BUB3: variants seen among roughly 807,000 people sequenced by gnomAD.
BUB3 encodes BUB3 mitotic checkpoint protein, also known as mitotic checkpoint protein BUB3.
Under a neutral mutation model 39.9 loss-of-function variants are expected in BUB3, and 22 were observed. The ratio of observed to expected loss-of-function variants is 0.55; its 90% confidence interval spans 0.39 to 0.79. The LOEUF (loss-of-function observed/expected upper bound fraction) is 0.79. Ranked by LOEUF, BUB3 falls within the 30% of genes least tolerant of loss-of-function variation. The probability of loss-of-function intolerance (pLI) is 0.00; values close to 1 mark genes in which losing one functional copy is unlikely to be tolerated. For missense variants in BUB3, 303 were observed against 415.4 expected, an observed-to-expected ratio of 0.73 and a Z score of 2.35; for synonymous variants, 168 against 155.1, an observed-to-expected ratio of 1.08 and a Z score of -0.62.
At chr10:123,156,604 G>A (rs1205763392) in intron 3 of BUB3, among the ~76,000 whole-genome samples, 1 of 152,194 alleles carries the variant, frequency 6.6e-6, no homozygotes, top group Admixed American at 6.5e-5. Flanking sequence ...AAGCTTGTAA[G>A]TCTAGGTTCT....
intron 4 of BUB3, among the ~76,000 whole-genome samples, chr10:123,159,990 A>G (rs1430026423): frequency 1.3e-5 from 2 of 152,224 alleles, no homozygotes; most frequent in Non-Finnish European, 2.9e-5. Flanking sequence ...TGATTGTTTT[A>G]TGAAAAGCCA....
At position 123,156,942 on chromosome 10, in the gene BUB3, A is replaced by C. The variant is rs978189672; in HGVS notation, c.266-787A>C. 2.0e-5 allele frequency among the ~76,000 whole-genome samples: 3 copies of C among 151,930 alleles called. No individual in the cohort carries two copies. The South Asian group carries it at 6.2e-4, about 32-fold the overall frequency. On this transcript the variant is annotated intron_variant, in intron 3 of 7. Coordinates refer to ENST00000368865, the MANE Select transcript of BUB3 (RefSeq NM_004725.4). ...TATTTTTTAGTAGAGGCGGGGTTTC[A>C]CTGTGTTGTCCAGGATGGTCTTGAA...
At chr10:123,154,818 C>T (rs1348890358) in intron 1 of BUB3, 100 bp from the exon 2 acceptor site, 15 of 1,302,324 alleles carry the variant, frequency 1.2e-5, no homozygotes, top group Non-Finnish European at 1.2e-5. Context: ...TCGCGGTCGT[C>T]CTCTCGGCCC....
chr10:123,166,990 A>G lies in BUB3; in HGVS notation c.*3155A>G, dbSNP rs1376837435. 2 of 152,244 alleles carry G rather than the reference A, an allele frequency of 1.3e-5. No individual in the cohort carries two copies. Among genetic ancestry groups the G allele is most frequent in the Non-Finnish European group, 1.5e-5 (1 of 68,046 alleles). The allele number at this position is 152,244 out of a possible 1,614,324, so 9.4% of individuals were successfully genotyped here. A position where few individuals can be genotyped will look rare whatever the true frequency, so the allele number is the denominator to read the frequency against. On this transcript the variant is annotated 3_prime_UTR_variant, in exon 8 of 8. Transcript: ENST00000368865. ...TTGCCAAAGGTATCTTCTATACCCT[A>G]ATAACACTAGCTTCCTTCCCTCAGT...
At chr10:123,158,450 C>T (rs1373278271) in intron 4 of BUB3, among the ~76,000 whole-genome samples, 2 of 152,188 alleles carry the variant, frequency 1.3e-5, no homozygotes, top group Non-Finnish European at 2.9e-5. Context: ...ATTATTCTAA[C>T]CTTTTGATCT....
In BUB3 at chr10:123,168,928, G is replaced by A. The variant is rs1028150513; in HGVS notation, c.*5093G>A. 6.6e-6 allele frequency: 1 copy of A among 152,120 alleles called. No individual in the cohort carries two copies. Among genetic ancestry groups the A allele is most frequent in the Admixed American group, 6.5e-5 (1 of 15,274 alleles). The allele number at this position is 152,120 out of a possible 1,614,324, so 9.4% of individuals were successfully genotyped here. Reference sequence around the variant, plus strand: ...TGTAGCTCAAGACAATTCTTCCAGTGTGGACCAGGAAAGCCAAAAGATTGG... The same window carrying A: ...TGTAGCTCAAGACAATTCTTCCAGTATGGACCAGGAAAGCCAAAAGATTGG... On this transcript the variant is annotated 3_prime_UTR_variant, in exon 8 of 8. Transcript: ENST00000368865.
chr10:123,155,819 A>C lies in BUB3; in HGVS notation c.265+92A>C. 5 of 1,213,980 alleles carry C rather than the reference A, an allele frequency of 4.1e-6. No individual in the cohort carries two copies. The Admixed American group carries it at 7.3e-5, about 18-fold the overall frequency. 75.2% of individuals were successfully genotyped at this position (1,213,980 alleles called of 1,614,324 possible). ...AGGAAGAGTGGTTCCTAAATTGCTTAGTTACTAAGTTGCTTAAGTACAGGT... is the reference window on the plus strand; with the variant it reads ...AGGAAGAGTGGTTCCTAAATTGCTTCGTTACTAAGTTGCTTAAGTACAGGT... On this transcript the variant is annotated intron_variant, in intron 3 of 7. Transcript: ENST00000368865.
intron 7 of BUB3, 72 bp from the exon 8 acceptor site, chr10:123,163,748 T>A: frequency 1.4e-6 from 2 of 1,381,064 alleles, no homozygotes; most frequent in African/African-American, 2.9e-5. Context: ...ATTTAATCTG[T>A]CACTTTTGTA....
chr10:123,162,116 C>T (rs1359430209), intron 5 of BUB3, 120 bp from the exon 6 acceptor site: 1 of 876,528 alleles, frequency 1.1e-6, no homozygotes, highest in African/African-American at 1.7e-5. Context: ...TTCATTAAAG[C>T]CTGCTGTACT....
In BUB3 at chr10:123,162,683, C is replaced by T; in HGVS notation, c.826C>T (p.Pro276Ser). ...GCGACTGTGCCAATTCCATCGGTACCCCACGAGCATCGCATCACTTGCCTT... is the reference window on the plus strand; with the variant it reads ...GCGACTGTGCCAATTCCATCGGTACTCCACGAGCATCGCATCACTTGCCTT... The part of the protein sequence containing the change: ...KKRLCQFHRY[P>S]TSIASLAFSN... The change falls in exon 7 of 8, where the codon CCC (proline) becomes TCC (serine). Residue 276 changes from proline (P) to serine (S), a missense_variant. Around this residue, in one of 2 missense-constraint regions of BUB3, gnomAD observed 182 missense variants for 293.1 expected, o/e 0.62. Coordinates refer to ENST00000368865, the MANE Select transcript of BUB3 (RefSeq NM_004725.4). 1 of 1,609,770 alleles carries T rather than the reference C, an allele frequency of 6.2e-7. No homozygotes were observed. The highest frequency in any genetic ancestry group is 8.5e-7 in the Non-Finnish European group (1 of 1,178,968).
Position 123,154,889 on chromosome 10 carries a change from C to T in BUB3, c.1-29C>T, listed in dbSNP as rs1010820163. 15 of 1,591,722 alleles carry T rather than the reference C, an allele frequency of 9.4e-6. No homozygotes were observed. In the African/African-American group the frequency reaches 9.9e-5, roughly 11 times the overall value. ...GTGCGCAGCCCCAGCCCGCGGGACC[C>T]CTGGGGACTCTGGGCGCCTGTTCTG... On this transcript the variant is annotated intron_variant, in intron 1 of 7. Transcript: ENST00000368865.
At chr10:123,162,467 T>G in intron 6 of BUB3, 54 bp downstream of exon 6, 1 of 1,585,694 alleles carries the variant, frequency 6.3e-7, no homozygotes, top group South Asian at 1.1e-5. Context: ...TGGTGCTTGC[T>G]TTTTATGGTA....
In BUB3 at chr10:123,164,867, T is replaced by G; in HGVS notation, c.*1032T>G. The G allele has an allele frequency of 7.3e-7, 1 of 1,362,792 alleles. No individual in the cohort carries two copies. The highest frequency in any genetic ancestry group is 9.4e-7 in the Non-Finnish European group (1 of 1,059,094). The allele number at this position is 1,362,792 out of a possible 1,614,324, so 84.4% of individuals were successfully genotyped here. ...TTGTTGTCAAACTTTAAAATTTATA[T>G]TAATTTGCAAATGTATGTCTCTGAG... On this transcript the variant is annotated 3_prime_UTR_variant, in exon 8 of 8. Transcript: ENST00000368865.
Position 123,164,312 on chromosome 10 carries a change from C to T in BUB3, c.*477C>T, listed in dbSNP as rs1844460571. 4.1e-6 allele frequency: 4 copies of T among 985,936 alleles called. No homozygotes were observed. Among genetic ancestry groups the T allele is most frequent in the Non-Finnish European group, 4.8e-6 (4 of 830,434 alleles). The allele number at this position is 985,936 out of a possible 1,614,324, so 61.1% of individuals were successfully genotyped here. On this transcript the variant is annotated 3_prime_UTR_variant, in exon 8 of 8. Transcript: ENST00000368865. ...AATCTACAATTAAACAATATTTCCTCTTGGCCGTCCATTATTTTCTGAAGC... is the reference window on the plus strand; with the variant it reads ...AATCTACAATTAAACAATATTTCCTTTTGGCCGTCCATTATTTTCTGAAGC...
rs1178034208 is a variant in BUB3 at position 123,168,315 on chromosome 10, A to G, written c.*4480A>G. ...AGCAAAAGTTTTTGTTAGCTACATC[A>G]TGTGAAATGCCTGGGTAGACAAATT... On this transcript the variant is annotated 3_prime_UTR_variant, in exon 8 of 8. Coordinates refer to ENST00000368865, the MANE Select transcript of BUB3 (RefSeq NM_004725.4). The G allele has an allele frequency of 1.3e-5, 2 of 152,196 alleles. No individual in the cohort carries two copies. Among genetic ancestry groups the G allele is most frequent in the Non-Finnish European group, 2.9e-5 (2 of 68,028 alleles). 9.4% of individuals were successfully genotyped at this position (152,196 alleles called of 1,614,324 possible).
intron 3 of BUB3, 23 bp from the exon 4 acceptor site, chr10:123,157,706 T>C: frequency 6.4e-7 from 1 of 1,553,810 alleles, no homozygotes; most frequent in Non-Finnish European, 8.7e-7. Flanking sequence ...TTGGGGTTTT[T>C]TCCCCTTTTT....
rs1433628105 is a variant in BUB3 at position 123,164,210 on chromosome 10, C to CT, written c.*376dup. The CT allele has an allele frequency of 1.5e-5, 15 of 997,340 alleles. No individual in the cohort carries two copies. Among genetic ancestry groups the CT allele is most frequent in the Non-Finnish European group, 1.6e-5 (13 of 838,474 alleles). The allele number at this position is 997,340 out of a possible 1,614,324, so 61.8% of individuals were successfully genotyped here. ...GGACCTTAAATGGTAGAGGAAAAGG[C>CT]TCGTGAGCCATTTGTTTCTTTTGCT... On this transcript the variant is annotated 3_prime_UTR_variant, in exon 8 of 8. Transcript: ENST00000368865.
Position 123,169,070 on chromosome 10 carries a change from T to G in BUB3, c.*5235T>G, listed in dbSNP as rs1181975613. On this transcript the variant is annotated 3_prime_UTR_variant, in exon 8 of 8. Coordinates refer to ENST00000368865, the MANE Select transcript of BUB3 (RefSeq NM_004725.4). ...GGAGGGAAAATGGCAACTTCAAATTTGCACCCCCAGGTATCATGTGGGCAG... is the reference window on the plus strand; with the variant it reads ...GGAGGGAAAATGGCAACTTCAAATTGGCACCCCCAGGTATCATGTGGGCAG... The G allele has an allele frequency of 6.6e-6, 1 of 152,226 alleles. No individual in the cohort carries two copies. Among genetic ancestry groups the G allele is most frequent in the African/African-American group, 2.4e-5 (1 of 41,442 alleles). 9.4% of individuals were successfully genotyped at this position (152,226 alleles called of 1,614,324 possible). A position where few individuals can be genotyped will look rare whatever the true frequency, so the allele number is the denominator to read the frequency against.
At chr10:123,155,189 T>G in intron 2 of BUB3, 77 bp downstream of exon 2, 2 of 1,502,556 alleles carry the variant, frequency 1.3e-6, no homozygotes, top group Non-Finnish European at 1.8e-6. Context: ...TCTTTTCCAG[T>G]GTTGGGTAGA....
Sources: gnomAD v4.1 joint callset for allele counts (sites outside exome capture counted in the v4.1 genomes callset) on GRCh38, gnomAD v4.1.1 for gene constraint, gnomAD v4.1.1 regional missense constraint, MANE v1.5 for transcripts, NCBI Gene and HGNC (gene_info 2026-07-23, HGNC 2026-07-21) for gene names.